Variants in DYNC1H1 observed in about 807,000 individuals in gnomAD.
DYNC1H1 encodes cytoplasmic dynein 1 heavy chain 1.
Under a neutral mutation model 527.1 loss-of-function variants are expected in DYNC1H1, and 51 were observed. The ratio of observed to expected loss-of-function variants is 0.10; its 90% CI spans 0.08 to 0.12. The LOEUF is 0.12. Among genes scored for constraint, DYNC1H1 ranks in the 10% least tolerant of loss-of-function variants. DYNC1H1 has a pLI of 1.00. For synonymous variants in DYNC1H1, 2,189 were observed against 2,278.8 expected (o/e 0.96, Z 1.12); for missense variants, 2,771 against 5,971.8 (o/e 0.46, Z 17.66).
chr14:102,011,759 A>G lies in DYNC1H1; in HGVS notation c.6619-116A>G, dbSNP rs550533125. ...AGAGAGAGACTCCGTTTCAGGAAAA[A>G]AAAAAAAATCCACACATAATGTTTC... On this transcript the variant is annotated intron_variant, in intron 32 of 77. Transcript: ENST00000360184. The surrounding 1 kb of genome is among the most constrained non-coding windows in gnomAD (Gnocchi z 5.3). 1 of 1,215,728 alleles carries G rather than the reference A, an allele frequency of 8.2e-7. No homozygotes were observed. The highest frequency in any genetic ancestry group is 2.4e-5 in the East Asian group (1 of 42,010). The allele number at this position is 1,215,728 out of a possible 1,614,324, so 75.3% of individuals were successfully genotyped here. A position where few individuals can be genotyped will look rare whatever the true frequency, so the allele number is the denominator to read the frequency against.
chr14:102,006,048 A>C lies in DYNC1H1; in HGVS notation c.5594A>C (p.Lys1865Thr). 1.2e-6 allele frequency: 2 copies of C among 1,614,216 alleles called. No individual in the cohort carries two copies. The highest frequency in any genetic ancestry group is 3.3e-5 in the Admixed American group (2 of 60,020). ...QQLSIQMANAKFNYGFEYLGV... is the reference protein window; with the variant it reads ...QQLSIQMANATFNYGFEYLGV... Reference sequence around the variant, plus strand: ...TTGTCAATTCAAATGGCAAATGCCAAATTTAACTATGGCTTTGAGTACCTG... The same window carrying C: ...TTGTCAATTCAAATGGCAAATGCCACATTTAACTATGGCTTTGAGTACCTG... Residue 1865 changes from lysine (K) to threonine (T), a missense_variant, in exon 27 of 78, where the codon AAA becomes ACA. Around this residue, in one of 32 missense-constraint regions of DYNC1H1, gnomAD observed 64 missense variants for 143.4 expected, o/e 0.45. Transcript: ENST00000360184.
chr14:102,050,471 G>A lies in DYNC1H1; in HGVS notation c.13849G>A (p.Asp4617Asn). The change falls in exon 78 of 78, where the codon GAC (aspartate) becomes AAC (asparagine). Residue 4617 changes from aspartate (D) to asparagine (N), a missense_variant. Physicochemically the swap from Asp to Asn is conservative, Grantham distance 23 (BLOSUM62 1). Transcript: ENST00000360184. ...LPVYLNFTRA[D>N]LIFTVDFEIA... ...TGTCTACCTGAACTTCACCCGTGCA[G>A]ACCTCATCTTCACCGTGGACTTCGA... 1 of 1,614,212 alleles carries A rather than the reference G, an allele frequency of 6.2e-7. No homozygotes were observed. The highest frequency in any genetic ancestry group is 8.5e-7 in the Non-Finnish European group (1 of 1,180,050).
intron 23 of DYNC1H1, 98 bp downstream of exon 23, chr14:102,003,063 T>A (rs552066491): frequency 6.6e-7 from 1 of 1,522,982 alleles, no homozygotes; most frequent in African/African-American, 1.4e-5. Flanking sequence ...TGTTTGTTAG[T>A]TTTGACATCA....
rs771225204 is a variant in DYNC1H1, at chr14:102,041,526, C to CT, written c.11942-47dup. On this transcript the variant is annotated intron_variant, in intron 64 of 77. Coordinates refer to ENST00000360184, the MANE Select transcript of DYNC1H1 (RefSeq NM_001376.5). This position sits in a 1 kb window ranked among gnomAD's most constrained non-coding sequence, Gnocchi z 4.5. Reference sequence around the variant, plus strand: ...ACAGTCCAGGCAGGGGAGGGCGTCTCTGAGTCCATGCTTCCACCCAGCACC... The same window carrying CT: ...ACAGTCCAGGCAGGGGAGGGCGTCTCTTGAGTCCATGCTTCCACCCAGCACC... 5.0e-6 allele frequency: 8 copies of CT among 1,612,834 alleles called. No individual in the cohort carries two copies. The highest frequency in any genetic ancestry group is 6.8e-6 in the Non-Finnish European group (8 of 1,179,910).
chr14:101,979,490 C>T lies in DYNC1H1; in HGVS notation c.516C>T (p.Asp172=). 3 of 1,614,026 alleles carry T rather than the reference C, an allele frequency of 1.9e-6. No individual in the cohort carries two copies. Among genetic ancestry groups the T allele is most frequent in the African/African-American group, 1.3e-5 (1 of 74,988 alleles). ...KSYIRESGKA[D]RDGDKMAPSV... ...ACATTAGAGAGTCTGGCAAGGCAGA[C>T]AGGTAAAAACTGTGGTTTGAATGTT... Residue 172 remains aspartate (D), a splice_region_variant and synonymous_variant, in exon 3 of 78, where the codon GAC becomes GAT. Coordinates refer to ENST00000360184, the MANE Select transcript of DYNC1H1 (RefSeq NM_001376.5). The surrounding 1 kb of genome is among the most constrained non-coding windows in gnomAD (Gnocchi z 4.6).
rs187563446 is a variant in DYNC1H1, at chr14:102,040,366, C to T, written c.11821C>T (p.Leu3941Phe). ...QAEAVVRLSC[L>F]PAFKDLIAKV... ...GGAGGCGGTGGTGAGGCTGAGCTGCCTTCCCGCGTTTAAGGACTTGATTGC... is the reference window on the plus strand; with the variant it reads ...GGAGGCGGTGGTGAGGCTGAGCTGCTTTCCCGCGTTTAAGGACTTGATTGC... The change falls in exon 63 of 78, where the codon CTT (leucine) becomes TTT (phenylalanine). Residue 3941 changes from leucine to phenylalanine, a missense_variant. By Grantham distance (22) the Leu-to-Phe change is conservative. Around this residue, in one of 32 missense-constraint regions of DYNC1H1, gnomAD observed 120 missense variants for 161.9 expected, o/e 0.74. Transcript: ENST00000360184. 19 of 1,614,154 alleles carry T rather than the reference C, an allele frequency of 1.2e-5. No individual in the cohort carries two copies. The highest frequency in any genetic ancestry group is 1.6e-5 in the Non-Finnish European group (19 of 1,180,036).
rs565237359 is a variant in DYNC1H1 at position 102,054,867 on chromosome 14, C to G, written c.*4304C>G. The G allele has an allele frequency of 6.6e-6, 1 of 151,618 alleles. No homozygotes were observed. Among genetic ancestry groups the G allele is most frequent in the East Asian group, 1.9e-4 (1 of 5,146 alleles). 9.4% of individuals were successfully genotyped at this position (151,618 alleles called of 1,614,324 possible). A position where few individuals can be genotyped will look rare whatever the true frequency, so the allele number is the denominator to read the frequency against. ...TACAGGCATGAGCCACCACTCCTGGCCCTCTTGTATTTTTTTGTAGAGACA... is the reference window on the plus strand; with the variant it reads ...TACAGGCATGAGCCACCACTCCTGGGCCTCTTGTATTTTTTTGTAGAGACA... On this transcript the variant is annotated 3_prime_UTR_variant, in exon 78 of 78. Transcript: ENST00000360184.
At chr14:102,004,428 C>CT (rs1338258370) in intron 23 of DYNC1H1, 90 bp from the exon 24 acceptor site, 2 of 1,434,252 alleles carry the variant, frequency 1.4e-6, no homozygotes, top group Non-Finnish European at 1.9e-6. Flanking sequence ...GACACATGTT[C>CT]TTTCCCTTCC....
intron 42 of DYNC1H1, among the ~76,000 whole-genome samples, chr14:102,022,293 G>A (rs1386401184): frequency 6.6e-6 from 1 of 151,496 alleles, no homozygotes; most frequent in East Asian, 2.0e-4. Flanking sequence ...TCAGGAGATC[G>A]AGACCATCCT....
chr14:102,049,962 A>G lies in DYNC1H1; in HGVS notation c.13684+80A>G. 1.3e-6 allele frequency: 2 copies of G among 1,489,684 alleles called. No individual in the cohort carries two copies. Among genetic ancestry groups the G allele is most frequent in the Non-Finnish European group, 1.8e-6 (2 of 1,115,154 alleles). The allele number at this position is 1,489,684 out of a possible 1,614,324, so 92.3% of individuals were successfully genotyped here. A position where few individuals can be genotyped will look rare whatever the true frequency, so the allele number is the denominator to read the frequency against. ...GAGACCATTGTTCCCAGATACATGC[A>G]CTTAGGGTGACCGGCTGGCAGTTGG... On this transcript the variant is annotated intron_variant, in intron 76 of 77. Coordinates refer to ENST00000360184, the MANE Select transcript of DYNC1H1 (RefSeq NM_001376.5). This position sits in a 1 kb window ranked among gnomAD's most constrained non-coding sequence, Gnocchi z 5.5.
rs1166539119 is a variant in DYNC1H1 at position 101,995,258 on chromosome 14, G to A, written c.3522G>A (p.Gln1174=). ...SDAVTFITYV[Q]SLKRKIKQFE... ...CAGTGACCTTCATCACCTATGTGCA[G>A]TCTTTGAAACGGAAGATCAAGCAGT... is the stretch of plus-strand genomic sequence containing the variant. The change falls in exon 15 of 78, where the codon CAG becomes CAA. Residue 1174 remains glutamine, a synonymous_variant. Coordinates refer to ENST00000360184, the MANE Select transcript of DYNC1H1 (RefSeq NM_001376.5). The A allele has an allele frequency of 1.9e-6, 3 of 1,614,218 alleles. No individual in the cohort carries two copies. The highest frequency in any genetic ancestry group is 3.3e-5 in the Admixed American group (2 of 60,024).
rs1177514927 is a variant in DYNC1H1, at chr14:102,005,661, G to T, written c.5434-227G>T. Among the ~76,000 whole-genome samples, 1 of 152,206 alleles carries T rather than the reference G, an allele frequency of 6.6e-6. No homozygotes were observed. The highest frequency in any genetic ancestry group is 1.5e-5 in the Non-Finnish European group (1 of 68,026). On this transcript the variant is annotated intron_variant, in intron 26 of 77. Transcript: ENST00000360184. The surrounding 1 kb of genome is among the most constrained non-coding windows in gnomAD (Gnocchi z 4.0). ...AGAATTTTAAAATATTTAAAGCCAG[G>T]TGTTTCTGTTTCTTTGTTTTTGCTG...
chr14:102,038,663 AT>A lies in DYNC1H1; in HGVS notation c.11056-33del. The A allele has an allele frequency of 6.2e-7, 1 of 1,614,208 alleles. No homozygotes were observed. The highest frequency in any genetic ancestry group is 1.1e-5 in the South Asian group (1 of 91,088). On this transcript the variant is annotated intron_variant, in intron 58 of 77. Transcript: ENST00000360184. The surrounding 1 kb of genome is among the most constrained non-coding windows in gnomAD (Gnocchi z 7.2). Reference sequence around the variant, plus strand: ...TGGCAGGATGTGGTTTTGAAACTGGATTAAGACAGACTGTTCTGTTACCTAT... The same window carrying A: ...TGGCAGGATGTGGTTTTGAAACTGGATAAGACAGACTGTTCTGTTACCTAT...
At position 102,011,369 on chromosome 14, in the gene DYNC1H1, G is replaced by A. The variant is rs536085759; in HGVS notation, c.6618+417G>A. ...AAAAAGTTTATTGTTTACACAAGCTGTGTGTGTTTGGCCTGAGAGATGCTG... is the reference window on the plus strand; with the variant it reads ...AAAAAGTTTATTGTTTACACAAGCTATGTGTGTTTGGCCTGAGAGATGCTG... On this transcript the variant is annotated intron_variant, in intron 32 of 77. Coordinates refer to ENST00000360184, the MANE Select transcript of DYNC1H1 (RefSeq NM_001376.5). This position sits in a 1 kb window ranked among gnomAD's most constrained non-coding sequence, Gnocchi z 5.3. 95 of 353,984 alleles carry A rather than the reference G, an allele frequency of 2.7e-4. No individual in the cohort carries two copies. The East Asian group carries it at 4.9e-3, about 18-fold the overall frequency. 21.9% of individuals were successfully genotyped at this position (353,984 alleles called of 1,614,324 possible). A position where few individuals can be genotyped will look rare whatever the true frequency, so the allele number is the denominator to read the frequency against.
chr14:102,046,133 A>G (rs1031043274), intron 72 of DYNC1H1, among the ~76,000 whole-genome samples: 2 of 150,926 alleles, frequency 1.3e-5, no homozygotes, highest in Non-Finnish European at 2.9e-5. Flanking sequence ...GCACCACTGC[A>G]CTCCAGCCTG....
At chr14:101,998,884 T>TC (rs1315921282) in intron 16 of DYNC1H1, among the ~76,000 whole-genome samples, 4 of 142,282 alleles carry the variant, frequency 2.8e-5, no homozygotes, top group Non-Finnish European at 4.5e-5. Context: ...TTTTTCTTTT[T>TC]TTTTTTTTTT....
chr14:102,032,888 T>C (rs545263353), intron 52 of DYNC1H1, 177 bp from the exon 53 acceptor site: 69 of 666,936 alleles, frequency 1.0e-4, no homozygotes, highest in Non-Finnish European at 1.6e-5. Flanking sequence ...TGTTCAAGTG[T>C]TGAGCACATT....
rs752641597 is a variant in DYNC1H1 at position 102,044,318 on chromosome 14, A to G, written c.12729A>G (p.Leu4243=). Residue 4243 remains leucine (L), a synonymous_variant, in exon 71 of 78, where the codon CTA becomes CTG. Transcript: ENST00000360184. The surrounding 1 kb of genome is among the most constrained non-coding windows in gnomAD (Gnocchi z 7.1). The part of the protein sequence containing the change: ...ISPDKIPWSA[L]KTLMAQSIYG... ...CGGATAAGATCCCGTGGTCTGCACTAAAGACCTTAATGGCCCAGTCCATTT... is the reference window on the plus strand; with the variant it reads ...CGGATAAGATCCCGTGGTCTGCACTGAAGACCTTAATGGCCCAGTCCATTT... 4 of 1,614,206 alleles carry G rather than the reference A, an allele frequency of 2.5e-6. No individual in the cohort carries two copies. Among genetic ancestry groups the G allele is most frequent in the Non-Finnish European group, 3.4e-6 (4 of 1,180,036 alleles).
chr14:102,025,810 T>C (rs749180144), intron 43 of DYNC1H1, among the ~76,000 whole-genome samples: 1 of 152,128 alleles, frequency 6.6e-6, no homozygotes, highest in Non-Finnish European at 1.5e-5. Context: ...ATTATGGTAA[T>C]AAGTCTGTTT....
Sources: allele counts gnomAD v4.1 joint callset (sites outside exome capture counted in the v4.1 genomes callset), GRCh38; gene constraint gnomAD v4.1.1; regional missense constraint gnomAD v4.1.1; non-coding constraint Gnocchi (gnomAD v3.1); transcripts MANE v1.5; gene names NCBI Gene and HGNC (gene_info 2026-07-23, HGNC 2026-07-21).